The following PTPRC variants were observed in gnomAD, a reference collection of about 807,000 sequenced individuals.
PTPRC encodes protein tyrosine phosphatase receptor type C, also known as receptor-type tyrosine-protein phosphatase C.
A neutral mutation model predicts 155.9 loss-of-function variants in PTPRC; 44 were observed. That is an observed-to-expected ratio of 0.28 (90% CI 0.22 to 0.36). The LOEUF is 0.36. Among genes scored for constraint, PTPRC ranks in the 10% least tolerant of loss-of-function variants. PTPRC has a pLI of 1.00. For missense variants in PTPRC, 1,401 were observed against 1,564.6 expected (o/e 0.90, Z 1.76); for synonymous variants, 525 against 533.1 (o/e 0.98, Z 0.21).
intron 25 of PTPRC, among the ~76,000 whole-genome samples, chr1:198,743,189 T>C (rs1042710981): frequency 2.7e-5 from 4 of 149,968 alleles, no homozygotes; most frequent in African/African-American, 9.8e-5. Flanking sequence ...GTACAACAAA[T>C]GCTATGTTGT....
At chr1:198,688,721 T>A (rs3767745) in intron 2 of PTPRC, among the ~76,000 whole-genome samples, 1 of 152,174 alleles carries the variant, frequency 6.6e-6, no homozygotes, top group East Asian at 1.9e-4. Flanking sequence ...ATGATTAAGA[T>A]GCATTTTTAC....
In PTPRC at chr1:198,757,238, C is replaced by T. The variant is rs1054363544; in HGVS notation, c.*1057C>T. 4.0e-5 allele frequency: 6 copies of T among 151,652 alleles called. No individual in the cohort carries two copies. Among genetic ancestry groups the T allele is most frequent in the Admixed American group, 1.3e-4 (2 of 15,204 alleles). The allele number at this position is 151,652 out of a possible 1,614,324, so 9.4% of individuals were successfully genotyped here. A position where few individuals can be genotyped will look rare whatever the true frequency, so the allele number is the denominator to read the frequency against. ...GAATGTTTTTACCAGGAATGGATGT[C>T]GCTAATCATAATAAAATTCAACCAT... is the stretch of plus-strand genomic sequence containing the variant. On this transcript the variant is annotated 3_prime_UTR_variant, in exon 33 of 33. Transcript: ENST00000442510.
chr1:198,704,071 T>A (rs1360402807), intron 7 of PTPRC, among the ~76,000 whole-genome samples: 2 of 152,202 alleles, frequency 1.3e-5, no homozygotes, highest in East Asian at 3.8e-4. Context: ...GACTTTTTTT[T>A]ATGTAAATGA....
intron 2 of PTPRC, among the ~76,000 whole-genome samples, chr1:198,646,356 T>C (rs1380024816): frequency 6.6e-6 from 1 of 151,874 alleles, no homozygotes; most frequent in Non-Finnish European, 1.5e-5. Context: ...TTATTACTTT[T>C]CTAAAGGTAA....
At chr1:198,743,243 G>A (rs949126389) in intron 25 of PTPRC, among the ~76,000 whole-genome samples, 12 of 151,692 alleles carry the variant, frequency 7.9e-5, no homozygotes, top group Non-Finnish European at 1.8e-4. Flanking sequence ...TGTTTGGAGA[G>A]ATGCTCAGAT....
At position 198,731,622 on chromosome 1, in the gene PTPRC, G is replaced by A. The variant is rs1263008575; in HGVS notation, c.1870G>A (p.Glu624Lys). ...AATCTTTAATATGTTTCCAGATGAT[G>A]AAAAACAACTGATGAATGTGGAGCC... ...EQQELVERDD[E>K]KQLMNVEPIH... is the part of the protein sequence containing the mutation. Residue 624 changes from glutamate to lysine, a missense_variant, in exon 18 of 33, where the codon GAA becomes AAA. This residue lies in a region of PTPRC where 867 missense variants were observed against 970.4 expected (regional missense o/e 0.89). Transcript: ENST00000442510. 1 of 1,604,498 alleles carries A rather than the reference G, an allele frequency of 6.2e-7. No homozygotes were observed. Among genetic ancestry groups the A allele is most frequent in the Non-Finnish European group, 8.5e-7 (1 of 1,172,040 alleles).
chr1:198,734,411 G>A lies in PTPRC; in HGVS notation c.2263G>A (p.Glu755Lys). ...AGTTATTGTCATGGTCACTCGATGT[G>A]AAGAAGGAAACAGGGTAAGAACCAA... ...ATVIVMVTRC[E>K]EGNRNKCAEY... The change falls in exon 22 of 33, where the codon GAA becomes AAA. Residue 755 changes from glutamate (E) to lysine (K), a missense_variant. Coordinates refer to ENST00000442510, the MANE Select transcript of PTPRC (RefSeq NM_002838.5). 5.0e-6 allele frequency: 8 copies of A among 1,610,894 alleles called. No homozygotes were observed. The highest frequency in any genetic ancestry group is 6.8e-6 in the Non-Finnish European group (8 of 1,177,718).
At chr1:198,699,759 T>C in intron 5 of PTPRC, 55 bp downstream of exon 5, 1 of 1,604,852 alleles carries the variant, frequency 6.2e-7, no homozygotes, top group East Asian at 2.2e-5. Context: ...CGACTACCTG[T>C]ATTTAAGAAT....
At position 198,658,494 on chromosome 1, in the gene PTPRC, T is replaced by C. The variant is rs145529137; in HGVS notation, c.73+19153T>C. ...CCTCCTTGAGACGGAATGATAAGGA[T>C]AACGTAGAATGTTTACCATGATTTA... On this transcript the variant is annotated intron_variant, in intron 2 of 32. Coordinates refer to ENST00000442510, the MANE Select transcript of PTPRC (RefSeq NM_002838.5). 6.6e-5 allele frequency among the ~76,000 whole-genome samples: 10 copies of C among 152,300 alleles called. No homozygotes were observed. In the East Asian group the frequency reaches 1.9e-3, roughly 29 times the overall value.
chr1:198,656,982 A>G (rs930227581), intron 2 of PTPRC, among the ~76,000 whole-genome samples: 1 of 151,572 alleles, frequency 6.6e-6, no homozygotes, highest in Non-Finnish European at 1.5e-5. Flanking sequence ...TTGTGTTAAT[A>G]GAACATTCTA....
intron 13 of PTPRC, among the ~76,000 whole-genome samples, chr1:198,717,677 A>G (rs1426441704): frequency 6.6e-6 from 1 of 152,198 alleles, no homozygotes; most frequent in African/African-American, 2.4e-5. Flanking sequence ...TGAAGAACCC[A>G]TCTAGGTGTT....
At position 198,702,633 on chromosome 1, in the gene PTPRC, G is replaced by C. The variant is rs191947271; in HGVS notation, c.583+103G>C. 468 of 1,498,736 alleles carry C rather than the reference G, an allele frequency of 3.1e-4. 2 individuals are homozygous for C. In the African/African-American group the frequency reaches 5.9e-3, roughly 19 times the overall value. The allele number at this position is 1,498,736 out of a possible 1,614,324, so 92.8% of individuals were successfully genotyped here. On this transcript the variant is annotated intron_variant, in intron 6 of 32. Coordinates refer to ENST00000442510, the MANE Select transcript of PTPRC (RefSeq NM_002838.5). ...TATTTTGTGCCAGATATTATTTGTA[G>C]GTTTCCCATTTTACAAATGTTCACG... is the stretch of plus-strand genomic sequence containing the variant.
At chr1:198,683,332 C>T (rs1004546434) in intron 2 of PTPRC, among the ~76,000 whole-genome samples, 3 of 152,076 alleles carry the variant, frequency 2.0e-5, no homozygotes, top group African/African-American at 7.2e-5. Flanking sequence ...ATTCTTTGTT[C>T]TTTAATGATG....
At chr1:198,661,070 A>G (rs1363235743) in intron 2 of PTPRC, among the ~76,000 whole-genome samples, 1 of 152,212 alleles carries the variant, frequency 6.6e-6, no homozygotes, top group Non-Finnish European at 1.5e-5. Context: ...ACATTAAGAA[A>G]AAAAGAAAAG....
chr1:198,731,826 T>G (rs1654401124), intron 18 of PTPRC, 100 bp downstream of exon 18: 2 of 928,292 alleles, frequency 2.2e-6, no homozygotes, highest in Admixed American at 3.6e-5. Context: ...TTATCCCACT[T>G]GATATTGCAA....
chr1:198,700,816 G>A (rs764772234), intron 5 of PTPRC, among the ~76,000 whole-genome samples: 14 of 152,130 alleles, frequency 9.2e-5, no homozygotes, highest in Non-Finnish European at 1.3e-4. Context: ...TGTAAATGCC[G>A]TCCATAACCA....
At chr1:198,667,021 G>A (rs1453370359) in intron 2 of PTPRC, 1 of 152,150 alleles carries the variant, frequency 6.6e-6, no homozygotes, top group Non-Finnish European at 1.5e-5. Flanking sequence ...TTTCTTTTCT[G>A]ACACCCCATT....
chr1:198,738,019 C>A (rs927245770), intron 23 of PTPRC, among the ~76,000 whole-genome samples: 1 of 151,712 alleles, frequency 6.6e-6, no homozygotes, highest in African/African-American at 2.4e-5. Context: ...ATCTCATGAC[C>A]TTACTGAATT....
At position 198,756,046 on chromosome 1, in the gene PTPRC, T is replaced by C. The variant is rs2102560208; in HGVS notation, c.3786T>C (p.Val1262=). ...VDKVKQDANC[V]NPLGAPEKLP... is the part of the protein sequence containing the mutation. ...AAGTAAAGCAGGATGCTAATTGTGT[T>C]AATCCACTTGGTGCCCCAGAAAAGC... The change falls in exon 33 of 33, where the codon GTT becomes GTC. Residue 1262 remains valine (V), a synonymous_variant. Transcript: ENST00000442510. 1 of 1,613,490 alleles carries C rather than the reference T, an allele frequency of 6.2e-7. No homozygotes were observed. Among genetic ancestry groups the C allele is most frequent in the South Asian group, 1.1e-5 (1 of 91,064 alleles).
Sources: gnomAD v4.1 joint callset for allele counts (sites outside exome capture counted in the v4.1 genomes callset) on GRCh38, gnomAD v4.1.1 for gene constraint, gnomAD v4.1.1 regional missense constraint, MANE v1.5 for transcripts, NCBI Gene and HGNC (gene_info 2026-07-23, HGNC 2026-07-21) for gene names.